KIAA1549: variants seen among roughly 807,000 people sequenced by gnomAD.
KIAA1549 encodes UPF0606 protein KIAA1549.
A neutral mutation model predicts 156.4 loss-of-function variants in KIAA1549; 70 were observed. That is an observed-to-expected ratio of 0.45 (90% CI 0.37 to 0.55). The LOEUF (loss-of-function observed/expected upper bound fraction) is 0.55. KIAA1549 is among the 20% of genes least tolerant of loss of function. The probability of loss-of-function intolerance (pLI) is 0.00; values close to 1 mark genes in which losing one functional copy is unlikely to be tolerated. For missense variants in KIAA1549, 2,428 were observed against 2,540.9 expected (o/e 0.96, Z 0.96); for synonymous variants, 1,103 against 1,066.4 (o/e 1.03, Z -0.67).
At chr7:138,838,892 C>T (rs1176497825) in intron 19 of KIAA1549, among the ~76,000 whole-genome samples, 2 of 152,182 alleles carry the variant, frequency 1.3e-5, no homozygotes, top group African/African-American at 2.4e-5. Context: ...ATGCCAGGCA[C>T]GGTGTCTCAT....
intron 10 of KIAA1549, 71 bp downstream of exon 10, chr7:138,894,271 G>T: frequency 1.4e-6 from 2 of 1,445,762 alleles, no homozygotes; most frequent in Non-Finnish European, 1.9e-6. Flanking sequence ...AGTATCAAGA[G>T]CCCAAACTCA....
At chr7:138,891,054 C>T (rs1811531715) in intron 10 of KIAA1549, among the ~76,000 whole-genome samples, 1 of 152,232 alleles carries the variant, frequency 6.6e-6, no homozygotes, top group Admixed American at 6.5e-5. Context: ...CCCACCACTG[C>T]AAATGGGGTG....
At chr7:138,851,903 C>A (rs569290437) in intron 17 of KIAA1549, among the ~76,000 whole-genome samples, 1 of 152,300 alleles carries the variant, frequency 6.6e-6, no homozygotes, top group Non-Finnish European at 1.5e-5. Context: ...AGAAGCAGGG[C>A]TCATGCCTCT....
In KIAA1549 at chr7:138,981,277, C is replaced by T. The variant is rs1275045357; in HGVS notation, c.-8G>A. ...GCGCCGCGCCCCCGGCATTCCCGGC[C>T]GGCGCCCCGGCCCGGCCTCGCGGCT... On this transcript the variant is annotated 5_prime_UTR_variant, in exon 1 of 20. Transcript: ENST00000422774. This position sits in a 1 kb window ranked among gnomAD's most constrained non-coding sequence, Gnocchi z 4.5. 1.0e-5 allele frequency: 10 copies of T among 973,558 alleles called. No homozygotes were observed. In the South Asian group the frequency reaches 2.3e-4, roughly 23 times the overall value. The allele number at this position is 973,558 out of a possible 1,614,324, so 60.3% of individuals were successfully genotyped here. A position where few individuals can be genotyped will look rare whatever the true frequency, so the allele number is the denominator to read the frequency against.
chr7:138,831,563 G>A lies in KIAA1549; in HGVS notation c.*6343C>T, dbSNP rs145675826. ...AACCGACAAATAGAAGGGAGGGGCC[G>A]ATTATTAAATCGTATACCCATACTG... On this transcript the variant is annotated 3_prime_UTR_variant, in exon 20 of 20. Transcript: ENST00000422774. 350 of 226,012 alleles carry A rather than the reference G, an allele frequency of 1.5e-3. No individual in the cohort carries two copies. The highest frequency in any genetic ancestry group is 2.5e-3 in the Non-Finnish European group (285 of 113,578). The allele number at this position is 226,012 out of a possible 1,614,324, so 14.0% of individuals were successfully genotyped here.
chr7:138,963,053 G>C (rs907513675), intron 1 of KIAA1549, among the ~76,000 whole-genome samples: 1 of 152,234 alleles, frequency 6.6e-6, no homozygotes, highest in Non-Finnish European at 1.5e-5. Flanking sequence ...ACTGACTGCC[G>C]TATTTCTCTT....
Position 138,912,445 on chromosome 7 carries a change from G to A in KIAA1549, c.2894C>T (p.Ala965Val), listed in dbSNP as rs747614097. 6.2e-7 allele frequency: 1 copy of A among 1,613,652 alleles called. No homozygotes were observed. The highest frequency in any genetic ancestry group is 8.5e-7 in the Non-Finnish European group (1 of 1,179,684). ...TGCTGTAATGATGTACTCCTGCACAGCTCTTCTGGCCAGCACTGCAAATGA... is the reference window on the plus strand; with the variant it reads ...TGCTGTAATGATGTACTCCTGCACAACTCTTCTGGCCAGCACTGCAAATGA... ...YLITTVLARR[A>V]VQEYIITAIK... The change falls in exon 3 of 20, where the codon GCT (alanine) becomes GTT (valine). Residue 965 changes from alanine (A) to valine (V), a missense_variant. Around this residue, in one of 5 missense-constraint regions of KIAA1549, gnomAD observed 762 missense variants for 901.6 expected, o/e 0.85. Transcript: ENST00000422774.
At chr7:138,838,259 C>T (rs1809806325) in intron 19 of KIAA1549, 99 bp from the exon 20 acceptor site, 2 of 1,271,944 alleles carry the variant, frequency 1.6e-6, no homozygotes, top group Admixed American at 3.0e-5. Flanking sequence ...CTGCCCACGT[C>T]CATCCACCAA....
At chr7:138,849,766 CA>C (rs1355011746) in intron 17 of KIAA1549, among the ~76,000 whole-genome samples, 1 of 152,166 alleles carries the variant, frequency 6.6e-6, no homozygotes, top group Admixed American at 6.5e-5. Context: ...TCTCTGTGTC[CA>C]TGAGTTCTCA....
intron 14 of KIAA1549, among the ~76,000 whole-genome samples, chr7:138,868,836 C>T (rs968576630): frequency 5.9e-5 from 9 of 152,290 alleles, no homozygotes; most frequent in Non-Finnish European, 1.3e-4. Context: ...CAGGGGCTAC[C>T]AGGCCGTCTC....
intron 5 of KIAA1549, among the ~76,000 whole-genome samples, chr7:138,908,751 ATG>A (rs2130461134): frequency 6.6e-6 from 1 of 152,234 alleles, no homozygotes; most frequent in African/African-American, 2.4e-5. Flanking sequence ...GAATATGGTC[ATG>A]TTTCTTCAGC....
chr7:138,881,662 A>G, intron 10 of KIAA1549, 78 bp from the exon 11 acceptor site: 1 of 1,289,002 alleles, frequency 7.8e-7, no homozygotes, highest in Non-Finnish European at 1.1e-6. Context: ...TTCTGACCCA[A>G]GACTGTGCTG....
In KIAA1549 at chr7:138,894,342, C is replaced by A. The variant is rs367925849; in HGVS notation, c.4032G>T (p.Lys1344Asn). 1 of 1,613,824 alleles carries A rather than the reference C, an allele frequency of 6.2e-7. No homozygotes were observed. The highest frequency in any genetic ancestry group is 8.5e-7 in the Non-Finnish European group (1 of 1,179,846). ...DTVANIQQRQ[K>N]LQIPSVKGFD... is the part of the protein sequence containing the mutation. The stretch of plus-strand genomic sequence containing the variant: ...ACTGGGGGAAGAGGCTGCCCGTTAC[C>A]TTCTGACGCTGCTGAATGTTGGCCA... The change falls in exon 10 of 20, where the codon AAG (lysine) becomes AAT (asparagine). Residue 1344 changes from lysine to asparagine, a missense_variant and splice_region_variant. By Grantham distance (94) the Lys-to-Asn change is moderately conservative. Around this residue, in one of 5 missense-constraint regions of KIAA1549, gnomAD observed 762 missense variants for 901.6 expected, o/e 0.85. Transcript: ENST00000422774.
At chr7:138,855,560 T>C (rs1290695862) in intron 16 of KIAA1549, among the ~76,000 whole-genome samples, 4 of 152,214 alleles carry the variant, frequency 2.6e-5, no homozygotes, top group Admixed American at 6.5e-5. Context: ...ACCTTTCCTT[T>C]GCAGCACCTG....
rs929668636 is a variant in KIAA1549 at position 138,935,415 on chromosome 7, G to C, written c.188-15977C>G. 5.9e-5 allele frequency among the ~76,000 whole-genome samples: 9 copies of C among 152,296 alleles called. No individual in the cohort carries two copies. In the South Asian group the frequency reaches 8.3e-4, roughly 14 times the overall value. ...CAATCCTCTTTCACCAACCTAGAAA[G>C]CAAGACTGTCAGCACTTTGAGTAAC... On this transcript the variant is annotated intron_variant, in intron 1 of 19. Transcript: ENST00000422774.
intron 10 of KIAA1549, among the ~76,000 whole-genome samples, chr7:138,887,400 A>AGTCCTG (rs1811424148): frequency 6.6e-6 from 1 of 152,158 alleles, no homozygotes; most frequent in Admixed American, 6.5e-5. Flanking sequence ...TAGCACCCTG[A>AGTCCTG]GTTTCAACTG....
chr7:138,962,915 C>T (rs1255947009), intron 1 of KIAA1549, among the ~76,000 whole-genome samples: 2 of 152,232 alleles, frequency 1.3e-5, no homozygotes, highest in African/African-American at 4.8e-5. Context: ...GGTCCTACAT[C>T]CACCAACAGT....
At chr7:138,937,617 G>A (rs1048853927) in intron 1 of KIAA1549, among the ~76,000 whole-genome samples, 5 of 152,220 alleles carry the variant, frequency 3.3e-5, no homozygotes, top group Admixed American at 1.3e-4. Context: ...AGCCGAGAGA[G>A]AGAGACAGGA....
rs544172492 is a variant in KIAA1549 at position 138,932,737 on chromosome 7, C to T, written c.188-13299G>A. Among the ~76,000 whole-genome samples the T allele has an allele frequency of 6.6e-5, 10 of 152,174 alleles. No individual in the cohort carries two copies. The East Asian group carries it at 1.7e-3, about 26-fold the overall frequency. On this transcript the variant is annotated intron_variant, in intron 1 of 19. Coordinates refer to ENST00000422774, the MANE Select transcript of KIAA1549 (RefSeq NM_001164665.2). ...TGGTCAGCGGATCTTTAGCATCACCCGGGAGTGTTTTGGAAATGCAGCATC... is the reference window on the plus strand; with the variant it reads ...TGGTCAGCGGATCTTTAGCATCACCTGGGAGTGTTTTGGAAATGCAGCATC...
Sources: gnomAD v4.1 joint callset for allele counts (sites outside exome capture counted in the v4.1 genomes callset) on GRCh38, gnomAD v4.1.1 for gene constraint, gnomAD v4.1.1 regional missense constraint, Gnocchi (gnomAD v3.1) non-coding constraint, MANE v1.5 for transcripts, NCBI Gene and HGNC (gene_info 2026-07-23, HGNC 2026-07-21) for gene names.